Variants in SPPL3 observed in about 807,000 individuals in gnomAD.
SPPL3 encodes the protein signal peptide peptidase like 3, also known as signal peptide peptidase-like 3.
In SPPL3, 5 loss-of-function variants were observed where a neutral mutation model predicts 42.4. The observed-to-expected ratio is 0.12, with a 90% CI of 0.06 to 0.25. The LOEUF is 0.25. Ranked by LOEUF, SPPL3 falls within the 10% of genes least tolerant of loss-of-function variation. The pLI is 1.00. For missense variants in SPPL3, 235 were observed against 489.0 expected, an observed-to-expected ratio of 0.48 and a Z score of 4.90; for synonymous variants, 195 against 181.8, an observed-to-expected ratio of 1.07 and a Z score of -0.58.
chr12:120,897,247 T>G (rs1566073077), intron 1 of SPPL3, among the ~76,000 whole-genome samples: 2 of 152,182 alleles, frequency 1.3e-5, no homozygotes, highest in Non-Finnish European at 2.9e-5. Context: ...TACCTGATAC[T>G]TACAGGCTGA....
At chr12:120,784,409 CAAT>C (rs1029361673) in intron 4 of SPPL3, 62 bp downstream of exon 4, 31 of 1,460,008 alleles carry the variant, frequency 2.1e-5, no homozygotes, top group Non-Finnish European at 2.8e-5. Flanking sequence ...AATTTTTGAA[CAAT>C]GATAAAGGTG....
intron 10 of SPPL3, among the ~76,000 whole-genome samples, chr12:120,766,009 C>T (rs1868874696): frequency 6.6e-6 from 1 of 152,076 alleles, no homozygotes. Flanking sequence ...ATTCCTCGAC[C>T]AGGTGGTGTA....
At chr12:120,787,119 C>T (rs578175768) in intron 3 of SPPL3, among the ~76,000 whole-genome samples, 1 of 152,118 alleles carries the variant, frequency 6.6e-6, no homozygotes, top group Admixed American at 6.5e-5. Flanking sequence ...CCTGTAAGAA[C>T]GATGCTTTTG....
chr12:120,897,759 T>A (rs1442857449), intron 1 of SPPL3, among the ~76,000 whole-genome samples: 1 of 152,102 alleles, frequency 6.6e-6, no homozygotes, highest in African/African-American at 2.4e-5. Flanking sequence ...TCTTCTAAAG[T>A]CTATAATGCT....
intron 1 of SPPL3, among the ~76,000 whole-genome samples, chr12:120,838,819 C>T (rs972239002): frequency 6.6e-6 from 1 of 152,262 alleles, no homozygotes; most frequent in African/African-American, 2.4e-5. Flanking sequence ...TATCATCTCA[C>T]ACCAGTTAGA....
chr12:120,778,728 T>C (rs4767935), intron 6 of SPPL3, among the ~76,000 whole-genome samples: 47,697 of 152,134 alleles, frequency 0.31, 9,062 homozygotes, highest in Middle Eastern at 0.45. Flanking sequence ...TCTTATGACA[T>C]TTTACTAACT....
chr12:120,797,484 TTA>T (rs2136990983), intron 2 of SPPL3, among the ~76,000 whole-genome samples: 1 of 152,268 alleles, frequency 6.6e-6, no homozygotes, highest in Admixed American at 6.5e-5. Context: ...AACTGCTGTG[TTA>T]TGAGGGTTTA....
intron 2 of SPPL3, among the ~76,000 whole-genome samples, chr12:120,794,294 C>T (rs1870024440): frequency 6.6e-6 from 1 of 152,020 alleles, no homozygotes; most frequent in Admixed American, 6.6e-5. Flanking sequence ...ATCCTAACCA[C>T]TAGACAACAG....
intron 1 of SPPL3, among the ~76,000 whole-genome samples, chr12:120,847,468 T>A (rs1228688528): frequency 6.6e-6 from 1 of 151,288 alleles, no homozygotes. Context: ...AATTTTTGTA[T>A]CCTTTGTAGA....
Position 120,763,138 on chromosome 12 carries a change from C to G in SPPL3, c.*1861G>C, listed in dbSNP as rs1016088717. ...GCAGATGACCAGGTCTGGGGACAGA[C>G]AGAGTCTTCCCATCAGTCTTCCAGA... On this transcript the variant is annotated 3_prime_UTR_variant, in exon 11 of 11. Transcript: ENST00000353487. 2.0e-5 allele frequency: 3 copies of G among 152,220 alleles called. No homozygotes were observed. Among genetic ancestry groups the G allele is most frequent in the African/African-American group, 7.2e-5 (3 of 41,444 alleles). The allele number at this position is 152,220 out of a possible 1,614,324, so 9.4% of individuals were successfully genotyped here.
chr12:120,784,969 T>C (rs1373386278), intron 3 of SPPL3, among the ~76,000 whole-genome samples: 1 of 152,204 alleles, frequency 6.6e-6, no homozygotes, highest in Admixed American at 6.5e-5. Flanking sequence ...TTTAAACCCA[T>C]TGACTAAAAG....
chr12:120,777,432 C>T (rs1446091218), intron 6 of SPPL3, among the ~76,000 whole-genome samples: 1 of 152,210 alleles, frequency 6.6e-6, no homozygotes, highest in Non-Finnish European at 1.5e-5. Flanking sequence ...TCTGTTTATA[C>T]ATGCATCACT....
chr12:120,899,868 G>A (rs1185850545), intron 1 of SPPL3, among the ~76,000 whole-genome samples: 5 of 115,064 alleles, frequency 4.3e-5, no homozygotes, highest in African/African-American at 1.0e-4. Flanking sequence ...ACTCTTGGGC[G>A]ACAGAGCAAG....
chr12:120,812,471 G>A (rs1311973796), intron 1 of SPPL3, among the ~76,000 whole-genome samples: 1 of 152,162 alleles, frequency 6.6e-6, no homozygotes, highest in East Asian at 1.9e-4. Flanking sequence ...ATGTACTGAG[G>A]AGACAAGTGG....
intron 1 of SPPL3, among the ~76,000 whole-genome samples, chr12:120,820,306 A>ATTTTTTTTTTTT (rs11374486): frequency 3.0e-5 from 3 of 100,998 alleles, no homozygotes; most frequent in African/African-American, 4.1e-5. Flanking sequence ...CTTTCTCTAA[A>ATTTTTTTTTTTT]TTTTTTTTTT....
chr12:120,802,660 C>T (rs1592970155), intron 2 of SPPL3, among the ~76,000 whole-genome samples: 1 of 151,962 alleles, frequency 6.6e-6, no homozygotes, highest in African/African-American at 2.4e-5. Flanking sequence ...TCTTGGAACT[C>T]CTGACCTCAC....
At chr12:120,861,977 T>C (rs1872629106) in intron 1 of SPPL3, among the ~76,000 whole-genome samples, 1 of 152,146 alleles carries the variant, frequency 6.6e-6, no homozygotes, top group African/African-American at 2.4e-5. Context: ...GTATTAAGAT[T>C]CCAAAACAAT....
intron 1 of SPPL3, among the ~76,000 whole-genome samples, chr12:120,811,991 TAG>T (rs1460907972): frequency 6.6e-6 from 1 of 151,926 alleles, no homozygotes; most frequent in Non-Finnish European, 1.5e-5. Context: ...GAAGATGATT[TAG>T]AGAGACACAG....
In SPPL3 at chr12:120,767,454, T is replaced by C. The variant is rs753251330; in HGVS notation, c.913A>G (p.Ile305Val). 3.7e-6 allele frequency: 6 copies of C among 1,614,014 alleles called. No homozygotes were observed. The Admixed American group carries it at 6.7e-5, about 18-fold the overall frequency. ...DSCGAPGPANISGRMQKVSYF... is the reference protein window; with the variant it reads ...DSCGAPGPANVSGRMQKVSYF... ...GAGACCTTCTGCATGCGCCCGGAGA[T>C]GTTGGCAGGTCCAGGGGCCCCACAG... Residue 305 changes from isoleucine (I) to valine (V), a missense_variant, in exon 9 of 11, where the codon ATC becomes GTC. Physicochemically the swap from Ile to Val is conservative, Grantham distance 29. Transcript: ENST00000353487.
Sources: gnomAD v4.1 joint callset for allele counts (sites outside exome capture counted in the v4.1 genomes callset) on GRCh38, gnomAD v4.1.1 for gene constraint, MANE v1.5 for transcripts, NCBI Gene and HGNC (gene_info 2026-07-23, HGNC 2026-07-21) for gene names.